TAF3: variants seen among roughly 807,000 people sequenced by gnomAD.
The protein encoded by TAF3 is TATA-box binding protein associated factor 3.
In TAF3, 7 loss-of-function variants were observed where a neutral mutation model predicts 80.6. The ratio of observed to expected loss-of-function variants is 0.09; its 90% CI spans 0.05 to 0.16. TAF3 has a LOEUF of 0.16. TAF3 is among the 10% of genes least tolerant of loss of function. The probability of loss-of-function intolerance (pLI) is 1.00; values close to 1 mark genes in which losing one functional copy is unlikely to be tolerated. For missense variants in TAF3, 921 were observed against 1,140.2 expected, an observed-to-expected ratio of 0.81 and a Z score of 2.77; for synonymous variants, 444 against 446.1, an observed-to-expected ratio of 1.00 and a Z score of 0.06.
At chr10:7,864,539 T>C (rs1204870703) in intron 2 of TAF3, among the ~76,000 whole-genome samples, 1 of 152,224 alleles carries the variant, frequency 6.6e-6, no homozygotes, top group African/African-American at 2.4e-5. Flanking sequence ...AATGTGTTCC[T>C]CCTATCTAAG....
In TAF3 at chr10:7,965,305, G is replaced by T; in HGVS notation, c.1795G>T (p.Asp599Tyr). The T allele has an allele frequency of 6.2e-7, 1 of 1,605,790 alleles. No homozygotes were observed. ...KFKIKEFEDV[D>Y]PKVKLKDGLV... is the part of the protein sequence containing the mutation. ...TAAAATCAAAGAATTTGAAGATGTTGATCCCAAAGTGAAATTGAAAGATGG... is the reference window on the plus strand; with the variant it reads ...TAAAATCAAAGAATTTGAAGATGTTTATCCCAAAGTGAAATTGAAAGATGG... Residue 599 changes from aspartate (D) to tyrosine (Y), a missense_variant, in exon 3 of 7, where the codon GAT (aspartate) becomes TAT (tyrosine). Transcript: ENST00000344293.
intron 4 of TAF3, among the ~76,000 whole-genome samples, chr10:7,992,916 T>C (rs1467032876): frequency 6.6e-6 from 1 of 152,200 alleles, no homozygotes; most frequent in African/African-American, 2.4e-5. Context: ...AATTCAAAAC[T>C]TAATATCATT....
At position 7,882,013 on chromosome 10, in the gene TAF3, T is replaced by A. The variant is rs116788983; in HGVS notation, c.409+57453T>A. 5.6e-3 allele frequency among the ~76,000 whole-genome samples: 848 copies of A among 152,318 alleles called. 9 individuals carry two copies. Among genetic ancestry groups the A allele is most frequent in the African/African-American group, 0.019 (809 of 41,562 alleles). ...ACTAGTAAGTGCAGTTAAACAGGTG[T>A]CGATTGGGCACCTACAGTGAGTTCA... On this transcript the variant is annotated intron_variant, in intron 2 of 6. Transcript: ENST00000344293.
rs71505465 is a variant in TAF3, at chr10:7,842,151, G to GTTT, written c.409+17601_409+17603dup. Among the ~76,000 whole-genome samples, 98 of 98,774 alleles carry GTTT rather than the reference G, an allele frequency of 9.9e-4. 2 individuals carry two copies. The highest frequency in any genetic ancestry group is 1.6e-3 in the Non-Finnish European group (76 of 46,622). 64.8% of individuals were successfully genotyped at this position (98,774 alleles called of 152,430 possible). On this transcript the variant is annotated intron_variant, in intron 2 of 6. Transcript: ENST00000344293. ...CATTGTAGGATATTGAATTAATATT[G>GTTT]TTTTTTTTTTTTGTTTTTTTTTTTG...
In TAF3 at chr10:7,965,419, A is replaced by C; in HGVS notation, c.1909A>C (p.Lys637Gln). The C allele has an allele frequency of 6.2e-7, 1 of 1,613,546 alleles. No individual in the cohort carries two copies. The highest frequency in any genetic ancestry group is 8.5e-7 in the Non-Finnish European group (1 of 1,179,914). ...KKDKDKREKE[K>Q]VKDKGREDKM... is the part of the protein sequence containing the mutation. ...AGATAAAGATAAGAGAGAGAAAGAA[A>C]AAGTGAAAGATAAAGGCAGAGAAGA... The change falls in exon 3 of 7, where the codon AAA (lysine) becomes CAA (glutamine). Residue 637 changes from lysine to glutamine, a missense_variant. Coordinates refer to ENST00000344293, the MANE Select transcript of TAF3 (RefSeq NM_031923.4).
intron 2 of TAF3, among the ~76,000 whole-genome samples, chr10:7,870,361 G>T (rs897418406): frequency 3.3e-5 from 5 of 152,152 alleles, no homozygotes; most frequent in Non-Finnish European, 7.3e-5. Context: ...ATCAGGATAT[G>T]TTCTCTCCAT....
At chr10:7,883,551 ACT>A (rs1249037856) in intron 2 of TAF3, among the ~76,000 whole-genome samples, 2 of 152,126 alleles carry the variant, frequency 1.3e-5, no homozygotes, top group Non-Finnish European at 2.9e-5. Flanking sequence ...CTATGTAAAT[ACT>A]CTGTTTCTCA....
chr10:7,833,306 A>G (rs925023055), intron 2 of TAF3, among the ~76,000 whole-genome samples: 5 of 152,184 alleles, frequency 3.3e-5, no homozygotes, highest in African/African-American at 9.7e-5. Flanking sequence ...CTACTAATCT[A>G]AATTCCCACC....
At chr10:7,963,117 C>T (rs1229912149) in intron 2 of TAF3, among the ~76,000 whole-genome samples, 1 of 152,148 alleles carries the variant, frequency 6.6e-6, no homozygotes, top group Non-Finnish European at 1.5e-5. Flanking sequence ...TACTCCCTCT[C>T]CAAGTGGCTC....
intron 2 of TAF3, among the ~76,000 whole-genome samples, chr10:7,916,075 A>T (rs2131184101): frequency 6.6e-6 from 1 of 152,136 alleles, no homozygotes; most frequent in African/African-American, 2.4e-5. Context: ...GAGTGAATGG[A>T]TTGTAAATGT....
intron 4 of TAF3, among the ~76,000 whole-genome samples, chr10:7,979,737 G>A (rs1831707961): frequency 7.3e-6 from 1 of 137,554 alleles, no homozygotes; most frequent in South Asian, 2.2e-4. Context: ...AATAGAGCGA[G>A]AAAGAAAGAG....
intron 2 of TAF3, among the ~76,000 whole-genome samples, chr10:7,957,311 G>A (rs1838145451): frequency 1.3e-5 from 2 of 152,268 alleles, no homozygotes; most frequent in South Asian, 2.1e-4. Flanking sequence ...TAGGGCAGAC[G>A]GCTGAGGTGA....
chr10:7,975,111 T>C, intron 3 of TAF3: 1 of 292,598 alleles, frequency 3.4e-6, no homozygotes, highest in Admixed American at 4.4e-5. Context: ...TGAAAATAAT[T>C]CGTGGAACAG....
intron 4 of TAF3, among the ~76,000 whole-genome samples, chr10:7,996,091 A>C (rs1295489682): frequency 1.3e-5 from 2 of 152,170 alleles, no homozygotes; most frequent in African/African-American, 4.8e-5. Context: ...CTATTTCCAC[A>C]TAATAATTGA....
intron 4 of TAF3, among the ~76,000 whole-genome samples, chr10:7,988,732 G>C (rs1023393431): frequency 7.7e-6 from 1 of 129,390 alleles, no homozygotes; most frequent in Non-Finnish European, 1.6e-5. Context: ...CTGGACAATA[G>C]AGTGAGATTC....
intron 2 of TAF3, among the ~76,000 whole-genome samples, chr10:7,957,794 G>GCTCT (rs376837630): frequency 0.12 from 15,412 of 130,370 alleles, 1,241 homozygotes; most frequent in African/African-American, 0.24. Flanking sequence ...TCTCTAGCGC[G>GCTCT]CTCTCTCTCT....
intron 2 of TAF3, among the ~76,000 whole-genome samples, chr10:7,871,392 A>T (rs1043444941): frequency 8.1e-5 from 12 of 148,182 alleles, no homozygotes; most frequent in African/African-American, 2.7e-4. Context: ...ATAAATTGAT[A>T]GTAAATTTTC....
Position 7,979,712 on chromosome 10 carries a change from T to G in TAF3, c.2315+2389T>G, listed in dbSNP as rs574536986. Among the ~76,000 whole-genome samples the G allele has an allele frequency of 2.0e-5, 3 of 151,602 alleles. No individual in the cohort carries two copies. In the South Asian group the frequency reaches 6.2e-4, roughly 31 times the overall value. ...AAGAGATAAATGAAGTGAAATAGAT[T>G]ACATTTTAAATTAAAATAGAGCGAG... On this transcript the variant is annotated intron_variant, in intron 4 of 6. Coordinates refer to ENST00000344293, the MANE Select transcript of TAF3 (RefSeq NM_031923.4).
chr10:7,950,469 C>T (rs1288170451), intron 2 of TAF3, among the ~76,000 whole-genome samples: 1 of 152,142 alleles, frequency 6.6e-6, no homozygotes, highest in Non-Finnish European at 1.5e-5. Context: ...TTTAGAGAAA[C>T]GTCTTACCAG....
Sources: allele counts gnomAD v4.1 joint callset (sites outside exome capture counted in the v4.1 genomes callset), GRCh38; gene constraint gnomAD v4.1.1; transcripts MANE v1.5; gene names NCBI Gene and HGNC (gene_info 2026-07-23, HGNC 2026-07-21).